Variants in RNF17 observed in about 807,000 individuals in gnomAD.
RNF17 encodes ring finger protein 17, also known as spermatogenesis associated 23.
A neutral mutation model predicts 200.5 loss-of-function variants in RNF17; 31 were observed. That is an observed-to-expected ratio of 0.15 (90% CI 0.12 to 0.21). The LOEUF is 0.21. RNF17 is among the 10% of genes least tolerant of loss of function. The pLI is 1.00. For synonymous variants in RNF17, 606 were observed against 637.8 expected (o/e 0.95, Z 0.75); for missense variants, 1,628 against 1,905.1 (o/e 0.85, Z 2.71).
intron 11 of RNF17, 110 bp from the exon 12 acceptor site, chr13:24,799,284 AT>A: frequency 1.3e-6 from 1 of 791,066 alleles, no homozygotes; most frequent in Non-Finnish European, 2.1e-6. Flanking sequence ...CTATATCATC[AT>A]TAAATAAACG....
At chr13:24,850,473 G>A in intron 23 of RNF17, 30 bp downstream of exon 23, 1 of 1,311,620 alleles carries the variant, frequency 7.6e-7, no homozygotes, top group South Asian at 1.2e-5. Flanking sequence ...ATGTGCTGAT[G>A]ATCTCATTAA....
chr13:24,832,139 GACTCT>G (rs1357499920), intron 18 of RNF17, among the ~76,000 whole-genome samples, 161 bp downstream of exon 18: 3 of 152,140 alleles, frequency 2.0e-5, no homozygotes, highest in African/African-American at 7.2e-5. Flanking sequence ...ATCTTTTATG[GACTCT>G]AAAGTCATCA....
At chr13:24,842,310 G>A (rs1224978594) in intron 19 of RNF17, 149 bp downstream of exon 19, 4 of 568,580 alleles carry the variant, frequency 7.0e-6, no homozygotes, top group Non-Finnish European at 8.4e-6. Flanking sequence ...AGAAAAAATA[G>A]AAAATAACTG....
At chr13:24,765,306 C>T (rs1400934893) in intron 1 of RNF17, among the ~76,000 whole-genome samples, 2 of 152,200 alleles carry the variant, frequency 1.3e-5, no homozygotes, top group Non-Finnish European at 2.9e-5. Flanking sequence ...TGAGCCACCG[C>T]GCCCGGCCGG....
At chr13:24,780,751 A>ACC (rs1053235533) in intron 5 of RNF17, among the ~76,000 whole-genome samples, 7 of 152,006 alleles carry the variant, frequency 4.6e-5, no homozygotes, top group African/African-American at 1.5e-4. Flanking sequence ...GCATGGTGGC[A>ACC]CCCACCTGTA....
rs747127259 is a variant in RNF17 at position 24,789,770 on chromosome 13, AAAGT to A, written c.935+4_935+7del. 1.5e-5 allele frequency: 23 copies of A among 1,548,334 alleles called. No homozygotes were observed. The highest frequency in any genetic ancestry group is 8.9e-5 in the South Asian group (8 of 89,488). On this transcript the variant is annotated splice_donor_variant and coding_sequence_variant, in exon 9 of 36. Transcript: ENST00000255324. LOFTEE classifies it high-confidence loss of function. ...GAAAGATTGAATTTAGGGACTCAAC[AAAGT>A]AAGTATTTATAAGCATGGTAACATG...
rs1399940565 is a variant in RNF17, at chr13:24,851,695, G to A, written c.3320+124G>A. On this transcript the variant is annotated intron_variant, in intron 24 of 35. Coordinates refer to ENST00000255324, the MANE Select transcript of RNF17 (RefSeq NM_031277.3). Reference sequence around the variant, plus strand: ...GTTTGCTCTTAAAGATTTATAAGCTGACCCTGAGGAGCCAGCTCAGAAATA... The same window carrying A: ...GTTTGCTCTTAAAGATTTATAAGCTAACCCTGAGGAGCCAGCTCAGAAATA... 6.6e-6 allele frequency: 4 copies of A among 608,446 alleles called. No homozygotes were observed. In the East Asian group the frequency reaches 8.8e-5, roughly 13 times the overall value. The allele number at this position is 608,446 out of a possible 1,614,324, so 37.7% of individuals were successfully genotyped here. A position where few individuals can be genotyped will look rare whatever the true frequency, so the allele number is the denominator to read the frequency against.
At chr13:24,883,677 C>T (rs1036046886), downstream of RNF17, among the ~76,000 whole-genome samples, 8 of 152,162 alleles carry the variant, frequency 5.3e-5, no homozygotes, top group African/African-American at 9.7e-5. Flanking sequence ...TAAAAACCAT[C>T]TGAGTGTTTG....
chr13:24,789,707 G>C lies in RNF17; in HGVS notation c.870G>C (p.Val290=). ...TAATGTTTTATTATAGGTTGAGTGT[G>C]AATTGCAGTGAGATCATCTGTATGT... ...PQLRNPPRLS[V]NCSEIICMFN... The change falls in exon 9 of 36, where the codon GTG becomes GTC. Residue 290 remains valine, a synonymous_variant. Coordinates refer to ENST00000255324, the MANE Select transcript of RNF17 (RefSeq NM_031277.3). 1 of 1,587,178 alleles carries C rather than the reference G, an allele frequency of 6.3e-7. No individual in the cohort carries two copies. Among genetic ancestry groups the C allele is most frequent in the African/African-American group, 1.3e-5 (1 of 74,472 alleles).
chr13:24,753,059 CT>C, the RNF17 span, among the ~76,000 whole-genome samples: 7 of 152,058 alleles, frequency 4.6e-5, no homozygotes, highest in African/African-American at 1.7e-4. Flanking sequence ...ACATTTCTTT[CT>C]TTAATGAGTG....
the RNF17 span, among the ~76,000 whole-genome samples, chr13:24,754,178 T>A: frequency 0.039 from 5,772 of 148,038 alleles, 210 homozygotes; most frequent in African/African-American, 0.094. Context: ...AAAAAAAAAA[T>A]AAAATAAAAT....
intron 30 of RNF17, 22 bp from the exon 31 acceptor site, chr13:24,868,578 G>T (rs750127107): frequency 7.4e-6 from 9 of 1,208,742 alleles, no homozygotes; most frequent in Non-Finnish European, 9.6e-6. Flanking sequence ...TCTGAAATTT[G>T]AATTTTTCTG....
chr13:24,867,673 A>T (rs1893771924), intron 30 of RNF17, among the ~76,000 whole-genome samples: 1 of 152,172 alleles, frequency 6.6e-6, no homozygotes. Context: ...AAGAATAAGA[A>T]CTTTTTATAA....
At chr13:24,788,710 C>A (rs1055959901) in intron 7 of RNF17, among the ~76,000 whole-genome samples, 12 of 151,912 alleles carry the variant, frequency 7.9e-5, no homozygotes, top group African/African-American at 2.7e-4. Context: ...GGCAAAAAAA[C>A]AAAAGTTTCT....
chr13:24,824,199 T>C, intron 15 of RNF17: 1 of 715,174 alleles, frequency 1.4e-6, no homozygotes, highest in Non-Finnish European at 2.6e-6. Context: ...TTTGTAGAGA[T>C]CTGATCTAAT....
At chr13:24,843,607 C>T (rs1335712903) in intron 19 of RNF17, 137 bp from the exon 20 acceptor site, 4 of 648,216 alleles carry the variant, frequency 6.2e-6, no homozygotes, top group Admixed American at 5.8e-5. Context: ...TAAAAAGTCA[C>T]CTGTTTTAGG....
rs146392458 is a variant in RNF17 at position 24,878,190 on chromosome 13, G to T, written c.4774-997G>T. 6.0e-3 allele frequency among the ~76,000 whole-genome samples: 909 copies of T among 152,324 alleles called. 33 individuals are homozygous for T. Among genetic ancestry groups the T allele is most frequent in the Admixed American group, 0.051 (782 of 15,296 alleles). On this transcript the variant is annotated intron_variant, in intron 34 of 35. Coordinates refer to ENST00000255324, the MANE Select transcript of RNF17 (RefSeq NM_031277.3). Reference sequence around the variant, plus strand: ...CTGACACACTGGCTATGACAAAAATGAGCTCATAATCAGTCAGCATGGTTC... The same window carrying T: ...CTGACACACTGGCTATGACAAAAATTAGCTCATAATCAGTCAGCATGGTTC...
intron 15 of RNF17, among the ~76,000 whole-genome samples, chr13:24,809,512 C>T (rs1339990981): frequency 6.6e-6 from 1 of 151,758 alleles, no homozygotes; most frequent in East Asian, 1.9e-4. Flanking sequence ...TTTATTGCGT[C>T]TATTTGATTC....
At chr13:24,780,729 A>G (rs1244647514) in intron 5 of RNF17, among the ~76,000 whole-genome samples, 1 of 152,082 alleles carries the variant, frequency 6.6e-6, no homozygotes, top group African/African-American at 2.4e-5. Context: ...TAAAAATTCA[A>G]AAGTTAGCCG....
Sources: allele counts gnomAD v4.1 joint callset (sites outside exome capture counted in the v4.1 genomes callset), GRCh38; gene constraint gnomAD v4.1.1; transcripts MANE v1.5; gene names NCBI Gene and HGNC (gene_info 2026-07-23, HGNC 2026-07-21).